The following CYRIB variants were observed in gnomAD, a reference collection of about 807,000 sequenced individuals.
CYRIB encodes CYFIP related Rac1 interactor B, also known as CYFIP-related Rac1 interactor B.
A neutral mutation model predicts 44.2 loss-of-function variants in CYRIB; 8 were observed. The observed-to-expected ratio is 0.18, with a 90% CI of 0.11 to 0.33. The LOEUF (loss-of-function observed/expected upper bound fraction) is 0.33, where lower values mean the gene tolerates loss of function less well. Among genes scored for constraint, CYRIB ranks in the 10% least tolerant of loss-of-function variants. CYRIB has a pLI of 1.00. For missense variants in CYRIB, 185 were observed against 382.8 expected (o/e 0.48, Z 4.31); for synonymous variants, 131 against 127.2 (o/e 1.03, Z -0.20).
At chr8:129,979,276 T>G (rs1326489959) in intron 1 of CYRIB, among the ~76,000 whole-genome samples, 2 of 152,138 alleles carry the variant, frequency 1.3e-5, no homozygotes, top group Non-Finnish European at 2.9e-5. Context: ...CCATACACAT[T>G]TTGGGGTGCC....
At chr8:129,917,573 C>T (rs1346980399) in intron 1 of CYRIB, among the ~76,000 whole-genome samples, 1 of 152,106 alleles carries the variant, frequency 6.6e-6, no homozygotes, top group African/African-American at 2.4e-5. Context: ...TCTTAAATAT[C>T]TTGGCCAGGT....
chr8:129,893,948 G>A (rs143949300), intron 2 of CYRIB, among the ~76,000 whole-genome samples: 29 of 150,714 alleles, frequency 1.9e-4, no homozygotes, highest in African/African-American at 6.8e-4. Context: ...ATTTGCATAC[G>A]TGATATACTG....
In CYRIB at chr8:129,992,130, G is replaced by T. The variant is rs61421057; in HGVS notation, c.-295-21135C>A. The stretch of plus-strand genomic sequence containing the variant: ...AAGCCAAGGAGTTTGAGACCAGCCT[G>T]GGCAACATAGCGAGACTCTGTATCT... On this transcript the variant is annotated intron_variant, in intron 1 of 14. Coordinates refer to the CYRIB transcript ENST00000401979. Among the ~76,000 whole-genome samples, 1,234 of 151,848 alleles carry T rather than the reference G, an allele frequency of 8.1e-3. 19 individuals carry two copies. Among genetic ancestry groups the T allele is most frequent in the African/African-American group, 0.029 (1,196 of 41,388 alleles).
chr8:129,845,661 C>T (rs193115806), intron 11 of CYRIB, among the ~76,000 whole-genome samples: 8 of 152,164 alleles, frequency 5.3e-5, no homozygotes, highest in African/African-American at 1.9e-4. Context: ...GACAGTTCCG[C>T]TTAGCTGAAA....
At position 129,884,435 on chromosome 8, in the gene CYRIB, T is replaced by G. The variant is rs2061951081; in HGVS notation, c.-10-4964A>C. ...TCCTGAGTAGCTGGGATTACAGGCA[T>G]GCACCACCACGCCCGGCTAATTTTG... On this transcript the variant is annotated intron_variant, in intron 2 of 11. Transcript: ENST00000519824. 3.3e-5 allele frequency among the ~76,000 whole-genome samples: 5 copies of G among 151,998 alleles called. No homozygotes were observed. The South Asian group carries it at 8.3e-4, about 25-fold the overall frequency.
At chr8:129,861,641 C>T (rs1386123348) in intron 5 of CYRIB, among the ~76,000 whole-genome samples, 3 of 148,862 alleles carry the variant, frequency 2.0e-5, no homozygotes, top group Non-Finnish European at 3.0e-5. Context: ...TTTTTTGAGA[C>T]GGGATTTTGC....
intron 1 of CYRIB, among the ~76,000 whole-genome samples, chr8:129,920,443 G>A (rs572155071): frequency 1.3e-5 from 2 of 152,182 alleles, no homozygotes; most frequent in South Asian, 4.2e-4. Flanking sequence ...GTTTCATAGA[G>A]ATAATTAAGT....
At chr8:129,928,476 A>G (rs970829902) in intron 1 of CYRIB, among the ~76,000 whole-genome samples, 3 of 152,098 alleles carry the variant, frequency 2.0e-5, no homozygotes, top group African/African-American at 4.8e-5. Context: ...AAAATGGGCA[A>G]AAAGACCTGA....
intron 2 of CYRIB, among the ~76,000 whole-genome samples, chr8:129,890,044 G>C (rs1196152526): frequency 6.6e-6 from 1 of 152,028 alleles, no homozygotes; most frequent in Non-Finnish European, 1.5e-5. Flanking sequence ...AAAGTGCTAG[G>C]ATTACAGGCG....
chr8:129,977,783 T>C (rs190917734), intron 1 of CYRIB, among the ~76,000 whole-genome samples: 43 of 152,174 alleles, frequency 2.8e-4, no homozygotes, highest in Admixed American at 8.5e-4. Context: ...CTGCCCGCCT[T>C]GGCCTCCCAA....
At position 129,961,883 on chromosome 8, in the gene CYRIB, T is replaced by C. The variant is rs535263946; in HGVS notation, c.-243+9060A>G. Among the ~76,000 whole-genome samples the C allele has an allele frequency of 6.2e-4, 94 of 152,252 alleles. 1 individual carries two copies. Among genetic ancestry groups the C allele is most frequent in the Non-Finnish European group, 1.1e-3 (74 of 68,040 alleles). On this transcript the variant is annotated intron_variant, in intron 2 of 14. Coordinates refer to the CYRIB transcript ENST00000401979. ...CTGGCCTTGTCAGAGCCCAGGCCTATGACCTCGGGCAAGTTCCTAAACTCT... is the reference window on the plus strand; with the variant it reads ...CTGGCCTTGTCAGAGCCCAGGCCTACGACCTCGGGCAAGTTCCTAAACTCT...
intron 1 of CYRIB, among the ~76,000 whole-genome samples, chr8:129,987,424 G>C (rs946061745): frequency 6.6e-6 from 1 of 152,064 alleles, no homozygotes; most frequent in African/African-American, 2.4e-5. Flanking sequence ...GTGGCTTGTT[G>C]ATGGCACCTG....
At chr8:129,912,762 C>T (rs918126649) in intron 1 of CYRIB, among the ~76,000 whole-genome samples, 3 of 151,344 alleles carry the variant, frequency 2.0e-5, no homozygotes, top group Non-Finnish European at 2.9e-5. Context: ...ATATGATAAT[C>T]AACAGGATGA....
intron 1 of CYRIB, among the ~76,000 whole-genome samples, chr8:129,983,477 AT>A (rs1243929019): frequency 6.6e-6 from 1 of 152,032 alleles, no homozygotes; most frequent in Non-Finnish European, 1.5e-5. Context: ...ATATATATGT[AT>A]AAAAAATAAA....
At chr8:129,921,481 G>A (rs2083547306) in intron 1 of CYRIB, among the ~76,000 whole-genome samples, 1 of 152,088 alleles carries the variant, frequency 6.6e-6, no homozygotes, top group African/African-American at 2.4e-5. Context: ...CCTTTTACAA[G>A]GTCTCACTCT....
intron 1 of CYRIB, among the ~76,000 whole-genome samples, chr8:129,917,844 G>A (rs528606997): frequency 5.9e-5 from 9 of 152,222 alleles, no homozygotes; most frequent in South Asian, 2.1e-4. Context: ...GTGACAGAGC[G>A]AGACACCATC....
chr8:129,951,963 T>C (rs1564367885), intron 2 of CYRIB, among the ~76,000 whole-genome samples: 1 of 152,250 alleles, frequency 6.6e-6, no homozygotes, highest in Non-Finnish European at 1.5e-5. Flanking sequence ...TTAGCATTCA[T>C]TGAATTTAAA....
chr8:129,877,357 A>G (rs1413886414), intron 3 of CYRIB, among the ~76,000 whole-genome samples: 2 of 152,196 alleles, frequency 1.3e-5, no homozygotes, highest in African/African-American at 2.4e-5. Context: ...TTATTAAATT[A>G]TAATAATGTA....
At chr8:129,941,272 G>GTTTTTT (rs551305807), upstream of CYRIB, among the ~76,000 whole-genome samples, 2 of 125,064 alleles carry the variant, frequency 1.6e-5, no homozygotes, top group Non-Finnish European at 1.7e-5. Flanking sequence ...AACTGAAGGA[G>GTTTTTT]ATTTTTTTTT....
Sources: allele counts gnomAD v4.1 joint callset (sites outside exome capture counted in the v4.1 genomes callset), GRCh38; gene constraint gnomAD v4.1.1; transcripts MANE v1.5; gene names NCBI Gene and HGNC (gene_info 2026-07-23, HGNC 2026-07-21).